Variants in DGKH observed in about 807,000 individuals in gnomAD.
DGKH encodes diacylglycerol kinase eta, also known as DAG kinase eta.
In DGKH, 90 loss-of-function variants were observed where a neutral mutation model predicts 159.3. That is an observed-to-expected ratio of 0.57 (90% CI 0.48 to 0.67). The LOEUF is 0.67. Among genes scored for constraint, DGKH ranks in the 30% least tolerant of loss-of-function variants. The pLI is 0.00. For synonymous variants in DGKH, 536 were observed against 553.8 expected, an observed-to-expected ratio of 0.97 and a Z score of 0.45; for missense variants, 1,181 against 1,506.1, an observed-to-expected ratio of 0.78 and a Z score of 3.57.
intron 1 of DGKH, among the ~76,000 whole-genome samples, chr13:42,120,593 T>C (rs1594054396): frequency 6.6e-6 from 1 of 152,158 alleles, no homozygotes; most frequent in East Asian, 1.9e-4. Context: ...TTAAGCTAAC[T>C]GAAGACAAAG....
intron 1 of DGKH, chr13:42,070,505 T>A: frequency 4.6e-6 from 6 of 1,294,818 alleles, no homozygotes; most frequent in Non-Finnish European, 6.7e-6. Context: ...TGGAGATCTG[T>A]ACCATTTAGT....
At position 42,215,640 on chromosome 13, in the gene DGKH, A is replaced by G. The variant is rs1440998835; in HGVS notation, c.3186A>G (p.Glu1062=). Residue 1062 remains glutamate (E), a synonymous_variant, in exon 26 of 30, where the codon GAA becomes GAG. Transcript: ENST00000337343. Reference sequence around the variant, plus strand: ...TGAAGGCGCTGTATAATGAAACAGAATCTTTGCTAGTTGGCAGGGTTCCTT... The same window carrying G: ...TGAAGGCGCTGTATAATGAAACAGAGTCTTTGCTAGTTGGCAGGGTTCCTT... ...INVKALYNET[E]SLLVGRVPLQ... The G allele has an allele frequency of 6.2e-7, 1 of 1,611,260 alleles. No homozygotes were observed. The highest frequency in any genetic ancestry group is 1.1e-5 in the South Asian group (1 of 90,588).
chr13:42,174,138 A>G lies in DGKH; in HGVS notation c.1446A>G (p.Glu482=). 3.1e-6 allele frequency: 5 copies of G among 1,613,244 alleles called. No homozygotes were observed. Among genetic ancestry groups the G allele is most frequent in the Non-Finnish European group, 3.4e-6 (4 of 1,179,366 alleles). ...CAGGACCTCCAGAAGCATCTGAAGA[A>G]TTTTATGTAAGACTTAACCCTTTAC... ...LLPGPPEASE[E]FYMTIYEDSV... Residue 482 remains glutamate (E), a synonymous_variant, in exon 12 of 30, where the codon GAA becomes GAG. Transcript: ENST00000337343.
At chr13:42,175,017 G>A (rs902888143) in intron 12 of DGKH, among the ~76,000 whole-genome samples, 4 of 152,118 alleles carry the variant, frequency 2.6e-5, no homozygotes, top group Admixed American at 2.0e-4. Context: ...ACCTCAAAGC[G>A]GTGTAGATTT....
upstream of DGKH, among the ~76,000 whole-genome samples, chr13:42,046,410 C>T (rs1344129212): frequency 2.6e-5 from 4 of 152,030 alleles, no homozygotes; most frequent in South Asian, 2.1e-4. Context: ...CAGATAAGAC[C>T]GAGAAGAGGC....
chr13:42,195,321 AC>A (rs11291311), intron 17 of DGKH, among the ~76,000 whole-genome samples: 18,098 of 152,038 alleles, frequency 0.12, 1,526 homozygotes, highest in East Asian at 0.4. Flanking sequence ...CAACACAGTG[AC>A]AAGCCTGTCT....
At chr13:42,134,406 CTT>C (rs1174575304) in intron 3 of DGKH, among the ~76,000 whole-genome samples, 1 of 152,174 alleles carries the variant, frequency 6.6e-6, no homozygotes, top group Non-Finnish European at 1.5e-5. Context: ...GAGTTAATAA[CTT>C]TGTTTTTTCA....
At chr13:42,098,320 C>T (rs1447422488) in intron 1 of DGKH, among the ~76,000 whole-genome samples, 1 of 152,100 alleles carries the variant, frequency 6.6e-6, no homozygotes, top group Non-Finnish European at 1.5e-5. Flanking sequence ...AACCCTGTCT[C>T]TACTAAAAAT....
At chr13:42,077,177 C>T (rs1487163353) in intron 1 of DGKH, among the ~76,000 whole-genome samples, 1 of 152,080 alleles carries the variant, frequency 6.6e-6, no homozygotes, top group African/African-American at 2.4e-5. Context: ...AACATAGCCC[C>T]TGAGAGACTG....
chr13:42,066,773 C>A (rs1371258293), intron 1 of DGKH: 1 of 152,104 alleles, frequency 6.6e-6, no homozygotes, highest in Non-Finnish European at 1.5e-5. Context: ...CTGTTTACAG[C>A]GGCCCCCTGT....
At chr13:42,111,181 G>A (rs1461365613) in intron 1 of DGKH, among the ~76,000 whole-genome samples, 4 of 151,906 alleles carry the variant, frequency 2.6e-5, no homozygotes, top group African/African-American at 9.7e-5. Context: ...GTCTCAAGGA[G>A]GTAATTACAT....
At chr13:42,167,991 T>A (rs554280774) in intron 9 of DGKH, among the ~76,000 whole-genome samples, 2 of 152,134 alleles carry the variant, frequency 1.3e-5, no homozygotes, top group African/African-American at 4.8e-5. Context: ...AAAAAGCCAG[T>A]TGGGAGTCCT....
chr13:42,123,547 A>AG (rs928813643), intron 1 of DGKH, among the ~76,000 whole-genome samples: 4 of 151,824 alleles, frequency 2.6e-5, no homozygotes, highest in Admixed American at 2.0e-4. Context: ...ATACAATGGA[A>AG]AAAAAAAGTC....
intron 13 of DGKH, among the ~76,000 whole-genome samples, 186 bp downstream of exon 13, chr13:42,178,406 A>G (rs958646745): frequency 2.6e-5 from 4 of 152,208 alleles, no homozygotes; most frequent in Non-Finnish European, 5.9e-5. Flanking sequence ...GCAGTGGTGT[A>G]TACTTAGAGG....
intron 24 of DGKH, among the ~76,000 whole-genome samples, chr13:42,211,650 A>C (rs537061715): frequency 2.6e-4 from 40 of 152,280 alleles, no homozygotes; most frequent in African/African-American, 9.1e-4. Context: ...GTGAGCCAAG[A>C]TCACGCCACT....
At chr13:42,217,605 C>CAA (rs113023143) in intron 26 of DGKH, among the ~76,000 whole-genome samples, 2 of 148,352 alleles carry the variant, frequency 1.3e-5, no homozygotes, top group Non-Finnish European at 3.0e-5. Context: ...CAAGGGGAAA[C>CAA]AAAAAAAAAA....
intron 1 of DGKH, among the ~76,000 whole-genome samples, chr13:42,074,727 T>C (rs771884312): frequency 6.6e-6 from 1 of 152,072 alleles, no homozygotes; most frequent in Non-Finnish European, 1.5e-5. Flanking sequence ...ATATAGATCC[T>C]ATTTATGTGC....
At position 42,231,648 on chromosome 13, in the gene DGKH, A is replaced by C. The variant is rs1350039191; in HGVS notation, c.*2460A>C. The C allele has an allele frequency of 6.6e-6, 1 of 152,188 alleles. No individual in the cohort carries two copies. The highest frequency in any genetic ancestry group is 1.5e-5 in the Non-Finnish European group (1 of 68,050). The allele number at this position is 152,188 out of a possible 1,614,324, so 9.4% of individuals were successfully genotyped here. A position where few individuals can be genotyped will look rare whatever the true frequency, so the allele number is the denominator to read the frequency against. On this transcript the variant is annotated 3_prime_UTR_variant, in exon 30 of 30. Coordinates refer to ENST00000337343, the MANE Select transcript of DGKH (RefSeq NM_178009.5). The stretch of plus-strand genomic sequence containing the variant: ...ATATCTATATTGATTTTCACCCCCC[A>C]TTCCCCTTTGCTAATAGAAAAGAGT...
At chr13:42,245,347 G>C (rs1270143626), downstream of DGKH, among the ~76,000 whole-genome samples, 1 of 152,166 alleles carries the variant, frequency 6.6e-6, no homozygotes, top group Non-Finnish European at 1.5e-5. Flanking sequence ...CGGAATAGTG[G>C]TTAGCATGTG....
Sources: gnomAD v4.1 joint callset for allele counts (sites outside exome capture counted in the v4.1 genomes callset) on GRCh38, gnomAD v4.1.1 for gene constraint, MANE v1.5 for transcripts, NCBI Gene and HGNC (gene_info 2026-07-23, HGNC 2026-07-21) for gene names.